The following CEP63 variants were observed in gnomAD, a reference collection of about 807,000 sequenced individuals.
The protein encoded by CEP63 is centrosomal protein 63, also known as centrosomal protein of 63 kDa.
In CEP63, 84 loss-of-function variants were observed where a neutral mutation model predicts 89.1. The ratio of observed to expected loss-of-function variants is 0.94; its 90% CI spans 0.79 to 1.13. The LOEUF is 1.13. CEP63 is among the 50% of genes most tolerant of loss of function. The pLI is 0.00. For synonymous variants in CEP63, 267 were observed against 272.5 expected (o/e 0.98, Z 0.20); for missense variants, 838 against 813.3 (o/e 1.03, Z -0.37).
the CEP63 span, among the ~76,000 whole-genome samples, chr3:134,781,383 G>A: frequency 2.6e-3 from 392 of 152,196 alleles, 1 homozygote; most frequent in African/African-American, 8.4e-3. Flanking sequence ...TTTTCATAAG[G>A]CCTTTACAAA....
chr3:134,520,382 C>G (rs1947188626), intron 3 of CEP63, among the ~76,000 whole-genome samples: 1 of 152,066 alleles, frequency 6.6e-6, no homozygotes, highest in South Asian at 2.1e-4. Flanking sequence ...GACCTCTGCA[C>G]AGAAAGCTCT....
At chr3:134,677,569 C>T in the CEP63 span, among the ~76,000 whole-genome samples, 8 of 152,228 alleles carry the variant, frequency 5.3e-5, no homozygotes, top group Non-Finnish European at 1.2e-4. Context: ...CCTCGATGGC[C>T]CCTGATTTCT....
chr3:134,531,693 A>G, intron 3 of CEP63, 152 bp from the exon 4 acceptor site: 1 of 612,544 alleles, frequency 1.6e-6, no homozygotes, highest in South Asian at 1.9e-5. Context: ...ATAACTAGGT[A>G]TTTGACTTCC....
chr3:134,582,142 G>C (rs1462079612), intron 10 of CEP63, among the ~76,000 whole-genome samples: 2 of 151,818 alleles, frequency 1.3e-5, no homozygotes, highest in Admixed American at 1.3e-4. Flanking sequence ...AAAACTGGCA[G>C]AAATAGAAGG....
chr3:134,606,872 C>T, the CEP63 span: 1 of 967,558 alleles, frequency 1.0e-6, no homozygotes, highest in Non-Finnish European at 1.2e-6. Flanking sequence ...GGCAGCTTTC[C>T]AGCCCCTTAT....
the CEP63 span, among the ~76,000 whole-genome samples, chr3:134,730,345 G>A: frequency 6.6e-6 from 1 of 152,156 alleles, no homozygotes; most frequent in East Asian, 1.9e-4. Flanking sequence ...GGGATATTCT[G>A]CCATGCCTTC....
chr3:134,641,544 C>T, the CEP63 span, among the ~76,000 whole-genome samples: 4 of 152,148 alleles, frequency 2.6e-5, no homozygotes, highest in Non-Finnish European at 4.4e-5. Context: ...GAATGCACCC[C>T]TAGAGCCTCT....
chr3:134,517,272 C>T (rs1013243819), intron 3 of CEP63, among the ~76,000 whole-genome samples: 3 of 152,054 alleles, frequency 2.0e-5, no homozygotes, highest in African/African-American at 4.8e-5. Context: ...AAAATGTCTG[C>T]GTATCTAATG....
chr3:134,721,981 C>T, the CEP63 span, among the ~76,000 whole-genome samples: 1 of 152,180 alleles, frequency 6.6e-6, no homozygotes, highest in East Asian at 1.9e-4. Flanking sequence ...GTAACATTGG[C>T]TTCATAGAAT....
chr3:134,540,602 T>G (rs1276655470), intron 6 of CEP63, among the ~76,000 whole-genome samples: 1 of 152,092 alleles, frequency 6.6e-6, no homozygotes, highest in Non-Finnish European at 1.5e-5. Flanking sequence ...TTTCCCCACT[T>G]TTAGGCTTGT....
chr3:134,626,505 T>C, the CEP63 span, among the ~76,000 whole-genome samples: 3 of 152,124 alleles, frequency 2.0e-5, no homozygotes, highest in Admixed American at 1.3e-4. Context: ...CCTCTGCAGG[T>C]ACATGCAGGG....
intron 8 of CEP63, among the ~76,000 whole-genome samples, chr3:134,546,563 G>T (rs1259584567): frequency 6.6e-6 from 1 of 151,956 alleles, no homozygotes; most frequent in Non-Finnish European, 1.5e-5. Flanking sequence ...CATCATGTTG[G>T]CTAGGCCGGT....
the CEP63 span, chr3:134,629,592 TC>T: frequency 6.4e-7 from 1 of 1,560,686 alleles, no homozygotes; most frequent in Non-Finnish European, 8.7e-7. Flanking sequence ...CTGCCAGCCC[TC>T]CACCATGAGT....
rs2109687080 is a variant in CEP63, at chr3:134,547,441, C to G, written c.1036C>G (p.Leu346Val). The change falls in exon 9 of 15, where the codon CTG becomes GTG. Residue 346 changes from leucine (L) to valine (V), a missense_variant. By Grantham distance (32) the Leu-to-Val change is conservative (BLOSUM62 1). Coordinates refer to ENST00000675561, the MANE Select transcript of CEP63 (RefSeq NM_001353108.3). ...LNFTHTSEDL[L>V]QAEVTCLEGS... ...TTTTACCCATACTAGTGAGGACCTT[C>G]TGCAGGCAGAGGTGACTTGTCTTGA... 1.2e-6 allele frequency: 2 copies of G among 1,613,752 alleles called. No homozygotes were observed. Among genetic ancestry groups the G allele is most frequent in the East Asian group, 4.5e-5 (2 of 44,866 alleles).
chr3:134,739,703 G>GTT, the CEP63 span, among the ~76,000 whole-genome samples: 34,159 of 143,482 alleles, frequency 0.24, 4,223 homozygotes, highest in African/African-American at 0.31. Context: ...ATCAATGCTT[G>GTT]TTTTTTTTTT....
chr3:134,559,528 A>AT (rs1956958234), intron 14 of CEP63, 99 bp downstream of exon 14: 2 of 1,003,078 alleles, frequency 2.0e-6, no homozygotes, highest in South Asian at 1.5e-5. Flanking sequence ...TTCCTTACTG[A>AT]TTCTTTTATC....
chr3:134,679,911 C>G, the CEP63 span, among the ~76,000 whole-genome samples: 1 of 152,064 alleles, frequency 6.6e-6, no homozygotes, highest in Non-Finnish European at 1.5e-5. Flanking sequence ...TTTGTAGACA[C>G]GAGGTGTTGC....
At chr3:134,682,765 C>G in the CEP63 span, among the ~76,000 whole-genome samples, 2 of 152,284 alleles carry the variant, frequency 1.3e-5, no homozygotes, top group Non-Finnish European at 2.9e-5. Context: ...TCAGTGCTCA[C>G]ACCACTACTC....
At chr3:134,579,118 C>T (rs1958287206), downstream of CEP63, among the ~76,000 whole-genome samples, 1 of 152,224 alleles carries the variant, frequency 6.6e-6, no homozygotes, top group Non-Finnish European at 1.5e-5. Context: ...CACTTGACAA[C>T]CGTATTTTTG....
Sources: allele counts gnomAD v4.1 joint callset (sites outside exome capture counted in the v4.1 genomes callset), GRCh38; gene constraint gnomAD v4.1.1; transcripts MANE v1.5; gene names NCBI Gene and HGNC (gene_info 2026-07-23, HGNC 2026-07-21).